Variants in TRDN observed in about 807,000 individuals in gnomAD.
The protein encoded by TRDN is triadin.
In TRDN, 161 loss-of-function variants were observed where a neutral mutation model predicts 149.7. The ratio of observed to expected loss-of-function variants is 1.08; its 90% CI spans 0.95 to 1.23. The LOEUF (loss-of-function observed/expected upper bound fraction) is 1.23. TRDN is among the 50% of genes most tolerant of loss of function. The probability of loss-of-function intolerance (pLI) is 0.00; values close to 1 mark genes in which losing one functional copy is unlikely to be tolerated. For synonymous variants in TRDN, 294 were observed against 250.5 expected, an observed-to-expected ratio of 1.17 and a Z score of -1.64; for missense variants, 896 against 823.5, an observed-to-expected ratio of 1.09 and a Z score of -1.08.
intron 23 of TRDN, among the ~76,000 whole-genome samples, chr6:123,325,143 C>T (rs943715311): frequency 5.3e-5 from 8 of 151,262 alleles, no homozygotes; most frequent in African/African-American, 1.5e-4. Flanking sequence ...TAATATATTC[C>T]AATATTGAAA....
chr6:123,627,811 T>G lies in TRDN; in HGVS notation c.22+8943A>C, dbSNP rs535896278. ...CTTGCTGCAGCTTCTACATCAATCC[T>G]TGCTGCTTCCACCTTGCACTTTTAT... is the stretch of plus-strand genomic sequence containing the variant. On this transcript the variant is annotated intron_variant, in intron 1 of 40. Coordinates refer to ENST00000334268, the MANE Select transcript of TRDN (RefSeq NM_006073.4). Among the ~76,000 whole-genome samples the G allele has an allele frequency of 3.7e-4, 57 of 152,318 alleles. 1 individual carries two copies. The South Asian group carries it at 0.011, about 29-fold the overall frequency.
chr6:123,569,242 A>C (rs1782439908), intron 2 of TRDN, among the ~76,000 whole-genome samples: 1 of 152,152 alleles, frequency 6.6e-6, no homozygotes, highest in Admixed American at 6.5e-5. Flanking sequence ...TCCAGTCTCC[A>C]ATACATTCCT....
rs751143632 is a variant in TRDN at position 123,512,322 on chromosome 6, T to G, written c.591A>C (p.Glu197Asp). 3.7e-5 allele frequency: 56 copies of G among 1,501,682 alleles called. No homozygotes were observed. In the Admixed American group the frequency reaches 6.4e-4, roughly 17 times the overall value. The allele number at this position is 1,501,682 out of a possible 1,614,324, so 93.0% of individuals were successfully genotyped here. The change falls in exon 7 of 41, where the codon GAA becomes GAC. Residue 197 changes from glutamate to aspartate, a missense_variant. By Grantham distance (45) the Glu-to-Asp change is conservative. Transcript: ENST00000334268. ...KEKIEKKEKP[E>D]TKTLAKEQKK... ...AGTTACCTTTCGCCAGTGTCTTTGT[T>G]TCTGGTTTTTCTTTTTTCTCAATTT...
intron 38 of TRDN, among the ~76,000 whole-genome samples, chr6:123,232,712 G>A (rs57947649): frequency 0.052 from 7,863 of 152,030 alleles, 587 homozygotes; most frequent in African/African-American, 0.18. Flanking sequence ...TGATGATAGG[G>A]AATATACAAA....
At chr6:123,545,968 A>G (rs917762033) in intron 4 of TRDN, among the ~76,000 whole-genome samples, 7 of 152,144 alleles carry the variant, frequency 4.6e-5, no homozygotes, top group Non-Finnish European at 1.0e-4. Context: ...AGTCTTATGG[A>G]ATTCAGTTTA....
chr6:123,348,009 C>T (rs1462365205), intron 21 of TRDN, among the ~76,000 whole-genome samples: 2 of 152,096 alleles, frequency 1.3e-5, no homozygotes, highest in African/African-American at 2.4e-5. Flanking sequence ...AATTTTTGAT[C>T]ATGGAATGCA....
At chr6:123,350,888 G>A (rs1202583431) in intron 21 of TRDN, 2 of 983,302 alleles carry the variant, frequency 2.0e-6, no homozygotes, top group Non-Finnish European at 2.4e-6. Flanking sequence ...AAAATCATCT[G>A]AAGGAGTAAG....
chr6:123,585,903 G>A (rs1783455868), intron 1 of TRDN, among the ~76,000 whole-genome samples: 1 of 152,242 alleles, frequency 6.6e-6, no homozygotes, highest in Non-Finnish European at 1.5e-5. Flanking sequence ...CACCTTGAAG[G>A]CGAGGTTGAT....
At chr6:123,280,654 T>TTC (rs1006088050) in intron 24 of TRDN, among the ~76,000 whole-genome samples, 23 of 147,708 alleles carry the variant, frequency 1.6e-4, no homozygotes, top group Non-Finnish European at 2.9e-4. Context: ...TTTTCTTTCT[T>TTC]TTTTTTTTTT....
chr6:123,352,493 T>G lies in TRDN; in HGVS notation c.1369+46A>C, dbSNP rs1244198287. On this transcript the variant is annotated intron_variant, in intron 21 of 40. Coordinates refer to ENST00000334268, the MANE Select transcript of TRDN (RefSeq NM_006073.4). ...TCCAGTGCTTTCCTCCGCATGTTGT[T>G]GTCTTTCTAAAGAAGATAATGTCAA... The G allele has an allele frequency of 3.1e-6, 5 of 1,605,186 alleles. 1 individual carries two copies. In the South Asian group the frequency reaches 5.6e-5, roughly 18 times the overall value.
chr6:123,259,163 T>C (rs1776667352), intron 35 of TRDN, among the ~76,000 whole-genome samples: 1 of 152,166 alleles, frequency 6.6e-6, no homozygotes, highest in Non-Finnish European at 1.5e-5. Flanking sequence ...ATCTTAGTTA[T>C]TTCTTGTCTT....
intron 1 of TRDN, among the ~76,000 whole-genome samples, chr6:123,576,950 A>G (rs1476149650): frequency 5.9e-5 from 9 of 152,060 alleles, no homozygotes; most frequent in Admixed American, 5.9e-4. Context: ...CTGCACATGT[A>G]CTGCCAAACT....
intron 38 of TRDN, among the ~76,000 whole-genome samples, chr6:123,241,709 G>A (rs1775996251): frequency 6.6e-6 from 1 of 151,956 alleles, no homozygotes. Context: ...TAAACTTCTA[G>A]AAAAGACTAA....
intron 24 of TRDN, among the ~76,000 whole-genome samples, chr6:123,308,552 C>A (rs534233516): frequency 6.6e-6 from 1 of 151,864 alleles, no homozygotes; most frequent in African/African-American, 2.4e-5. Flanking sequence ...CTGGACCTCT[C>A]GCCTCATAAA....
chr6:123,439,289 T>C (rs1302133736), intron 10 of TRDN, among the ~76,000 whole-genome samples: 1 of 152,194 alleles, frequency 6.6e-6, no homozygotes, highest in Non-Finnish European at 1.5e-5. Context: ...TAGTTTGAAC[T>C]TTCTGAACCA....
At chr6:123,620,484 CA>C (rs1192238225) in intron 1 of TRDN, among the ~76,000 whole-genome samples, 11 of 151,982 alleles carry the variant, frequency 7.2e-5, no homozygotes, top group Non-Finnish European at 2.9e-5. Flanking sequence ...TGACCCAAAT[CA>C]AAAAACAGGA....
intron 10 of TRDN, chr6:123,464,636 T>C: frequency 7.5e-6 from 9 of 1,192,088 alleles, no homozygotes; most frequent in Non-Finnish European, 9.4e-6. Flanking sequence ...TATCTATTTG[T>C]CCCTATATTT....
rs571389263 is a variant in TRDN at position 123,444,479 on chromosome 6, G to C, written c.932-5476C>G. Among the ~76,000 whole-genome samples the C allele has an allele frequency of 1.4e-3, 204 of 150,690 alleles. 2 individuals carry two copies. Among genetic ancestry groups the C allele is most frequent in the African/African-American group, 3.2e-3 (130 of 40,726 alleles). The stretch of plus-strand genomic sequence containing the variant: ...TGTCGTCTGCAAAGAGGGACAATTT[G>C]ACTTCCTCTTTTCCTAATTGAATAC... On this transcript the variant is annotated intron_variant, in intron 10 of 40. Coordinates refer to ENST00000334268, the MANE Select transcript of TRDN (RefSeq NM_006073.4).
chr6:123,525,535 C>CA, intron 5 of TRDN, among the ~76,000 whole-genome samples: 2 of 151,888 alleles, frequency 1.3e-5, no homozygotes, highest in Admixed American at 1.3e-4. Flanking sequence ...CTAGGGATCT[C>CA]AAAAAATGGG....
Sources: allele counts gnomAD v4.1 joint callset (sites outside exome capture counted in the v4.1 genomes callset), GRCh38; gene constraint gnomAD v4.1.1; transcripts MANE v1.5; gene names NCBI Gene and HGNC (gene_info 2026-07-23, HGNC 2026-07-21).